The following KIF26B variants were observed in gnomAD, a reference collection of about 807,000 sequenced individuals.
KIF26B encodes kinesin-like protein KIF26B.
KIF26B carries 63 observed loss-of-function variants against 151.2 expected under a neutral mutation model. The ratio of observed to expected loss-of-function variants is 0.42; its 90% confidence interval spans 0.34 to 0.51. The LOEUF (loss-of-function observed/expected upper bound fraction) is 0.51, where lower values mean the gene tolerates loss of function less well. Ranked by LOEUF, KIF26B falls within the 20% of genes least tolerant of loss-of-function variation. The pLI is 0.07. For synonymous variants in KIF26B, 1,357 were observed against 1,262.1 expected (o/e 1.08, Z -1.59); for missense variants, 2,813 against 2,913.6 (o/e 0.97, Z 0.79).
At chr1:245,456,626 T>G (rs1028361256) in intron 4 of KIF26B, among the ~76,000 whole-genome samples, 1 of 152,246 alleles carries the variant, frequency 6.6e-6, no homozygotes, top group African/African-American at 2.4e-5. Flanking sequence ...GCTTTTAGTC[T>G]TCCTTCCATT....
In KIF26B at chr1:245,191,086, A is replaced by G. The variant is rs976937852; in HGVS notation, c.465+34403A>G. Among the ~76,000 whole-genome samples, 12 of 146,060 alleles carry G rather than the reference A, an allele frequency of 8.2e-5. No individual in the cohort carries two copies. The South Asian group carries it at 1.1e-3, about 13-fold the overall frequency. Reference sequence around the variant, plus strand: ...AAAAAAAAAAAAAAAAAAAAAAAAAAAGAGATAAGAACCAGATATGCATAA... The same window carrying G: ...AAAAAAAAAAAAAAAAAAAAAAAAAGAGAGATAAGAACCAGATATGCATAA... On this transcript the variant is annotated intron_variant, in intron 2 of 14. Coordinates refer to ENST00000407071, the MANE Select transcript of KIF26B (RefSeq NM_018012.4).
At chr1:245,464,295 C>G (rs1221863671) in intron 4 of KIF26B, among the ~76,000 whole-genome samples, 1 of 152,176 alleles carries the variant, frequency 6.6e-6, no homozygotes, top group Non-Finnish European at 1.5e-5. Flanking sequence ...GAGAGGATGG[C>G]CCAGACCTAG....
intron 3 of KIF26B, among the ~76,000 whole-genome samples, chr1:245,417,746 G>C (rs1674454491): frequency 6.6e-6 from 1 of 152,224 alleles, no homozygotes; most frequent in Non-Finnish European, 1.5e-5. Flanking sequence ...GTGGGAATCT[G>C]GACCCACCCA....
In KIF26B at chr1:245,426,962, C is replaced by G. The variant is rs188655362; in HGVS notation, c.1166+7217C>G. Reference sequence around the variant, plus strand: ...CTTTCTTTAGTCCCTGGGCCCTTAACAGTGGTACTTGGTTATATGTTTGGA... The same window carrying G: ...CTTTCTTTAGTCCCTGGGCCCTTAAGAGTGGTACTTGGTTATATGTTTGGA... On this transcript the variant is annotated intron_variant, in intron 4 of 14. Transcript: ENST00000407071. Among the ~76,000 whole-genome samples, 562 of 152,334 alleles carry G rather than the reference C, an allele frequency of 3.7e-3. 4 individuals are homozygous for G. The highest frequency in any genetic ancestry group is 6.3e-3 in the Non-Finnish European group (428 of 68,038).
intron 3 of KIF26B, among the ~76,000 whole-genome samples, chr1:245,416,947 C>G (rs939274608): frequency 2.0e-5 from 3 of 152,060 alleles, no homozygotes; most frequent in African/African-American, 7.2e-5. Flanking sequence ...TGCCCTCTCC[C>G]CATTGTGGAA....
In KIF26B at chr1:245,688,071, C is replaced by T. The variant is rs765644368; in HGVS notation, c.5088C>T (p.His1696=). The change falls in exon 12 of 15, where the codon CAC becomes CAT. Residue 1696 remains histidine (H), a synonymous_variant. Coordinates refer to ENST00000407071, the MANE Select transcript of KIF26B (RefSeq NM_018012.4). The part of the protein sequence containing the change: ...ESLSSVSSRL[H]AGKDGTMPRA... The stretch of plus-strand genomic sequence containing the variant: ...TGTCCTCCGTGAGCTCCCGGCTGCA[C>T]GCGGGCAAGGACGGCACCATGCCCC... 72 of 1,552,774 alleles carry T rather than the reference C, an allele frequency of 4.6e-5. No homozygotes were observed. The East Asian group carries it at 1.4e-3, about 31-fold the overall frequency.
At chr1:245,590,069 C>T (rs370424158) in intron 5 of KIF26B, among the ~76,000 whole-genome samples, 113 of 152,086 alleles carry the variant, frequency 7.4e-4, no homozygotes, top group African/African-American at 2.6e-3. Context: ...GTGAGCTTTA[C>T]TCATGTGGGC....
chr1:245,558,380 T>G (rs1662086736), intron 5 of KIF26B, among the ~76,000 whole-genome samples: 1 of 152,202 alleles, frequency 6.6e-6, no homozygotes, highest in Non-Finnish European at 1.5e-5. Flanking sequence ...GGACACACTT[T>G]CTCTCACCTT....
In KIF26B at chr1:245,687,002, T is replaced by G; in HGVS notation, c.4019T>G (p.Leu1340Trp). ...REKPKASPDN[L>W]LILSEMGDDS... ...AAGCCCAAGGCCAGCCCCGACAACT[T>G]GCTCATCCTGTCTGAGATGGGAGAT... The change falls in exon 12 of 15, where the codon TTG (leucine) becomes TGG (tryptophan). Residue 1340 changes from leucine to tryptophan, a missense_variant. Leu to Trp is a moderately conservative substitution (Grantham distance 61, BLOSUM62 -2). Around this residue, in one of 3 missense-constraint regions of KIF26B, gnomAD observed 2,060 missense variants for 2,088.6 expected, o/e 0.99. Transcript: ENST00000407071. This position sits in a 1 kb window ranked among gnomAD's most constrained non-coding sequence, Gnocchi z 4.9. 1 of 1,613,560 alleles carries G rather than the reference T, an allele frequency of 6.2e-7. No individual in the cohort carries two copies. Among genetic ancestry groups the G allele is most frequent in the African/African-American group, 1.3e-5 (1 of 75,012 alleles).
chr1:245,299,992 C>T (rs186357280), intron 2 of KIF26B, among the ~76,000 whole-genome samples: 1 of 152,264 alleles, frequency 6.6e-6, no homozygotes, highest in Admixed American at 6.5e-5. Flanking sequence ...TCCCATTGTT[C>T]CAGCAGGGAA....
intron 9 of KIF26B, among the ~76,000 whole-genome samples, chr1:245,617,706 G>C (rs2043606916): frequency 6.6e-6 from 1 of 152,080 alleles, no homozygotes; most frequent in African/African-American, 2.4e-5. Context: ...TTAAATGTTG[G>C]CCAGGAGACA....
rs571901567 is a variant in KIF26B at position 245,409,321 on chromosome 1, C to T, written c.1000-10258C>T. 3.3e-5 allele frequency among the ~76,000 whole-genome samples: 5 copies of T among 152,302 alleles called. No homozygotes were observed. The South Asian group carries it at 8.3e-4, about 25-fold the overall frequency. On this transcript the variant is annotated intron_variant, in intron 3 of 14. Transcript: ENST00000407071. ...ATGCAGTTGGCCCTTTGCTGAATCT[C>T]GGTCCTTCCTGGAGCAGGCGGGCAG...
chr1:245,556,434 T>A (rs1662041706), intron 5 of KIF26B, among the ~76,000 whole-genome samples: 1 of 152,012 alleles, frequency 6.6e-6, no homozygotes, highest in Non-Finnish European at 1.5e-5. Flanking sequence ...TCTGCTTTTG[T>A]CACCCAGGCT....
chr1:245,224,425 T>G (rs1262128112), intron 2 of KIF26B, among the ~76,000 whole-genome samples: 1 of 152,242 alleles, frequency 6.6e-6, no homozygotes, highest in African/African-American at 2.4e-5. Context: ...GCTGCTTTTC[T>G]CATGGAACAC....
rs1380991905 is a variant in KIF26B, at chr1:245,175,466, G to A, written c.465+18783G>A. ...CGAGAACACAGAGAATCAGAACAGG[G>A]AACTTGGAAGAGGCAAAGTAAACAG... On this transcript the variant is annotated intron_variant, in intron 2 of 14. Coordinates refer to ENST00000407071, the MANE Select transcript of KIF26B (RefSeq NM_018012.4). Among the ~76,000 whole-genome samples the A allele has an allele frequency of 2.6e-5, 4 of 152,160 alleles. No individual in the cohort carries two copies. In the East Asian group the frequency reaches 7.7e-4, roughly 29 times the overall value.
rs1673256152 is a variant in KIF26B at position 245,375,642 on chromosome 1, A to G, written c.999+8275A>G. Among the ~76,000 whole-genome samples the G allele has an allele frequency of 6.6e-6, 1 of 152,164 alleles. No individual in the cohort carries two copies. Among genetic ancestry groups the G allele is most frequent in the Non-Finnish European group, 1.5e-5 (1 of 68,030 alleles). On this transcript the variant is annotated intron_variant, in intron 3 of 14. Transcript: ENST00000407071. This position sits in a 1 kb window ranked among gnomAD's most constrained non-coding sequence, Gnocchi z 4.2. Reference sequence around the variant, plus strand: ...TTTGAGTTCTGGTCTCCAGAACTTTAAGAGGGTAAGTTTTTGTTGTTTGAA... The same window carrying G: ...TTTGAGTTCTGGTCTCCAGAACTTTGAGAGGGTAAGTTTTTGTTGTTTGAA...
Position 245,601,937 on chromosome 1 carries a change from T to C in KIF26B, c.1351-640T>C, listed in dbSNP as rs1399081575. ...AAGTGGGCTAAAGGGCAGCGCCTCC[T>C]GCTCCCTCCAGAGATGCACTTCCAT... is the stretch of plus-strand genomic sequence containing the variant. On this transcript the variant is annotated intron_variant, in intron 5 of 14. Transcript: ENST00000407071. The surrounding 1 kb of genome is among the most constrained non-coding windows in gnomAD (Gnocchi z 4.4). Among the ~76,000 whole-genome samples the C allele has an allele frequency of 1.3e-5, 2 of 152,202 alleles. No individual in the cohort carries two copies. Among genetic ancestry groups the C allele is most frequent in the Non-Finnish European group, 2.9e-5 (2 of 68,042 alleles).
At position 245,512,700 on chromosome 1, in the gene KIF26B, C is replaced by T. The variant is rs938181506; in HGVS notation, c.1167-28067C>T. On this transcript the variant is annotated intron_variant, in intron 4 of 14. Transcript: ENST00000407071. The surrounding 1 kb of genome is among the most constrained non-coding windows in gnomAD (Gnocchi z 4.3). ...CAAGGGAAATCTGAGACAGAAAACA[C>T]ATGTTGGCAGCATCATGTGAGCGCC... is the stretch of plus-strand genomic sequence containing the variant. Among the ~76,000 whole-genome samples the T allele has an allele frequency of 3.3e-5, 5 of 152,160 alleles. No individual in the cohort carries two copies. Among genetic ancestry groups the T allele is most frequent in the African/African-American group, 7.2e-5 (3 of 41,448 alleles).
rs1339207621 is a variant in KIF26B, at chr1:245,176,783, T to C, written c.465+20100T>C. On this transcript the variant is annotated intron_variant, in intron 2 of 14. Transcript: ENST00000407071. ...CTTTCAGATTAGTCTTCCTGCGACT[T>C]TTAACGGTCATGTTTACTTTTGAAT... 3.9e-5 allele frequency among the ~76,000 whole-genome samples: 6 copies of C among 152,288 alleles called. No homozygotes were observed. The East Asian group carries it at 1.2e-3, about 29-fold the overall frequency.
Sources: allele counts gnomAD v4.1 joint callset (sites outside exome capture counted in the v4.1 genomes callset), GRCh38; gene constraint gnomAD v4.1.1; regional missense constraint gnomAD v4.1.1; non-coding constraint Gnocchi (gnomAD v3.1); transcripts MANE v1.5; gene names NCBI Gene and HGNC (gene_info 2026-07-23, HGNC 2026-07-21).